Variants in NID1 observed in about 807,000 individuals in gnomAD.
NID1 encodes the protein nidogen-1.
A neutral mutation model predicts 130.6 loss-of-function variants in NID1; 76 were observed. That is an observed-to-expected ratio of 0.58 (90% CI 0.48 to 0.70). NID1 has a LOEUF of 0.70. NID1 is among the 30% of genes least tolerant of loss of function. The probability of loss-of-function intolerance (pLI) is 0.00; values close to 1 mark genes in which losing one functional copy is unlikely to be tolerated. For synonymous variants in NID1, 665 were observed against 675.1 expected (o/e 0.98, Z 0.23); for missense variants, 1,517 against 1,664.8 (o/e 0.91, Z 1.54).
chr1:235,980,400 A>G (rs1209501556), intron 17 of NID1, 96 bp downstream of exon 17: 2 of 1,261,300 alleles, frequency 1.6e-6, no homozygotes, highest in Admixed American at 2.3e-5. Context: ...ATATAAAAAC[A>G]GGTGGCTGGT....
chr1:236,036,770 G>A (rs1470688567), intron 5 of NID1, among the ~76,000 whole-genome samples: 1 of 152,118 alleles, frequency 6.6e-6, no homozygotes, highest in Admixed American at 6.5e-5. Flanking sequence ...AGAGAGACCC[G>A]ACCCAGGATG....
intron 9 of NID1, among the ~76,000 whole-genome samples, chr1:236,020,731 T>G (rs1658736853): frequency 6.6e-6 from 1 of 152,202 alleles, no homozygotes; most frequent in Non-Finnish European, 1.5e-5. Flanking sequence ...TTTCCTATTT[T>G]AAGCCTCATG....
chr1:235,993,339 T>C (rs145831325), intron 13 of NID1, among the ~76,000 whole-genome samples: 65 of 152,294 alleles, frequency 4.3e-4, no homozygotes, highest in Admixed American at 1.0e-3. Context: ...ACACAGCCGC[T>C]CTGCTACCAT....
intron 15 of NID1, among the ~76,000 whole-genome samples, chr1:235,982,998 C>A (rs982531822): frequency 6.6e-6 from 1 of 152,142 alleles, no homozygotes; most frequent in African/African-American, 2.4e-5. Context: ...CCTCAGCCTC[C>A]CGAGTAGCTG....
Position 235,979,842 on chromosome 1 carries a change from C to T in NID1, c.3489G>A (p.Leu1163=), listed in dbSNP as rs1257566565. The T allele has an allele frequency of 6.2e-7, 1 of 1,614,034 alleles. No homozygotes were observed. ...CGTACATCTTCCAGTCTGTGAAATACAGATTCTTCCCGTAGCTCGTCACAG... is the reference window on the plus strand; with the variant it reads ...CGTACATCTTCCAGTCTGTGAAATATAGATTCTTCCCGTAGCTCGTCACAG... ...PFAVTSYGKN[L]YFTDWKMNSV... Residue 1163 remains leucine (L), a synonymous_variant, in exon 18 of 20, where the codon CTG becomes CTA. Transcript: ENST00000264187. The surrounding 1 kb of genome is among the most constrained non-coding windows in gnomAD (Gnocchi z 4.6).
At chr1:236,029,440 TCCCTCTCC>T in intron 7 of NID1, 102 bp downstream of exon 7, 4 of 1,035,570 alleles carry the variant, frequency 3.9e-6, no homozygotes, top group Admixed American at 2.1e-5. Flanking sequence ...CCGGTGTATT[TCCCTCTCC>T]AGATCCCAGA....
At chr1:235,995,056 A>G (rs893015422) in intron 12 of NID1, among the ~76,000 whole-genome samples, 1 of 152,030 alleles carries the variant, frequency 6.6e-6, no homozygotes, top group Non-Finnish European at 1.5e-5. Context: ...AAACTGTACA[A>G]CTCAGATCTT....
At chr1:236,016,945 G>A (rs1020708499) in intron 10 of NID1, among the ~76,000 whole-genome samples, 1 of 152,268 alleles carries the variant, frequency 6.6e-6, no homozygotes, top group South Asian at 2.1e-4. Flanking sequence ...TACTAGTGTA[G>A]GCAATAATGT....
In NID1 at chr1:235,977,633, T is replaced by G; in HGVS notation, c.*234A>C. 1 of 488,900 alleles carries G rather than the reference T, an allele frequency of 2.0e-6. No individual in the cohort carries two copies. Among genetic ancestry groups the G allele is most frequent in the Non-Finnish European group, 3.7e-6 (1 of 269,880 alleles). 30.3% of individuals were successfully genotyped at this position (488,900 alleles called of 1,614,324 possible). A position where few individuals can be genotyped will look rare whatever the true frequency, so the allele number is the denominator to read the frequency against. Reference sequence around the variant, plus strand: ...AGGGGTGTATAAGTCTGTCTGAGGGTTGGGGGTAGGGGTGGAGGGTTCTGT... The same window carrying G: ...AGGGGTGTATAAGTCTGTCTGAGGGGTGGGGGTAGGGGTGGAGGGTTCTGT... On this transcript the variant is annotated 3_prime_UTR_variant, in exon 20 of 20. Coordinates refer to ENST00000264187, the MANE Select transcript of NID1 (RefSeq NM_002508.3).
intron 10 of NID1, among the ~76,000 whole-genome samples, chr1:236,016,864 G>A (rs546070555): frequency 3.9e-5 from 6 of 152,124 alleles, no homozygotes; most frequent in Non-Finnish European, 8.8e-5. Context: ...AAAGCATAAT[G>A]AAAATGATTA....
chr1:236,008,793 A>G (rs1220914009), intron 12 of NID1, among the ~76,000 whole-genome samples: 1 of 151,988 alleles, frequency 6.6e-6, no homozygotes, highest in African/African-American at 2.4e-5. Context: ...CAGGCTCCCA[A>G]GTAGCTGGGA....
chr1:236,042,416 G>C (rs1009156950), intron 3 of NID1, 124 bp from the exon 4 acceptor site: 2 of 1,229,796 alleles, frequency 1.6e-6, no homozygotes, highest in Non-Finnish European at 2.3e-6. Flanking sequence ...GCTAGGACTG[G>C]AGAGTGGAAG....
At chr1:236,039,926 C>A (rs1187726841) in intron 4 of NID1, among the ~76,000 whole-genome samples, 1 of 152,150 alleles carries the variant, frequency 6.6e-6, no homozygotes, top group Non-Finnish European at 1.5e-5. Flanking sequence ...ACCAGGAATG[C>A]ACTACTGGCC....
At chr1:236,042,855 G>A (rs1659494663) in intron 3 of NID1, among the ~76,000 whole-genome samples, 1 of 152,230 alleles carries the variant, frequency 6.6e-6, no homozygotes, top group Non-Finnish European at 1.5e-5. Flanking sequence ...CAGGATGGGG[G>A]CTGGTGGCCA....
In NID1 at chr1:235,977,770, G is replaced by T; in HGVS notation, c.*97C>A. On this transcript the variant is annotated 3_prime_UTR_variant, in exon 20 of 20. Transcript: ENST00000264187. Reference sequence around the variant, plus strand: ...GGCTGGGCTGGGTCTGGGCCTAGTGGCCACTCAGCCAGAGGACACTTTTCA... The same window carrying T: ...GGCTGGGCTGGGTCTGGGCCTAGTGTCCACTCAGCCAGAGGACACTTTTCA... The T allele has an allele frequency of 7.1e-7, 1 of 1,417,896 alleles. No individual in the cohort carries two copies. The highest frequency in any genetic ancestry group is 9.8e-7 in the Non-Finnish European group (1 of 1,025,138). The allele number at this position is 1,417,896 out of a possible 1,614,324, so 87.8% of individuals were successfully genotyped here.
At position 235,996,839 on chromosome 1, in the gene NID1, T is replaced by G. The variant is rs999380114; in HGVS notation, c.2528-2967A>C. ...GTCATCTTCCTGTCTCAGACTCCTG[T>G]GCTTTTTTTTCTGAGATGGAGTTTT... On this transcript the variant is annotated intron_variant, in intron 12 of 19. Transcript: ENST00000264187. Among the ~76,000 whole-genome samples the G allele has an allele frequency of 2.0e-5, 3 of 151,926 alleles. No individual in the cohort carries two copies. The South Asian group carries it at 6.2e-4, about 32-fold the overall frequency.
At chr1:236,033,188 G>T (rs907132479) in intron 5 of NID1, among the ~76,000 whole-genome samples, 1 of 152,272 alleles carries the variant, frequency 6.6e-6, no homozygotes. Flanking sequence ...GGTGCCTGTA[G>T]TCCCAGCTAC....
Position 236,048,870 on chromosome 1 carries a change from A to G in NID1, c.345T>C (p.Asp115=), listed in dbSNP as rs143986014. ...CTCGATAATAAACCTTCCCCAGGCC[A>G]TCGGTCGTGTCCAAGTCCGCCAGGA... The part of the protein sequence containing the change: ...APFLADLDTT[D]GLGKVYYRED... The change falls in exon 2 of 20, where the codon GAT becomes GAC. Residue 115 remains aspartate (D), a synonymous_variant. Transcript: ENST00000264187. The G allele has an allele frequency of 3.4e-4, 555 of 1,613,978 alleles. No homozygotes were observed. Among genetic ancestry groups the G allele is most frequent in the Non-Finnish European group, 4.4e-4 (523 of 1,180,014 alleles).
intron 11 of NID1, 38 bp from the exon 12 acceptor site, chr1:236,012,081 T>G: frequency 1.9e-6 from 3 of 1,594,062 alleles, no homozygotes; most frequent in Non-Finnish European, 2.6e-6. Flanking sequence ...CAATGAGATT[T>G]CTTCTGGAAT....
Sources: gnomAD v4.1 joint callset for allele counts (sites outside exome capture counted in the v4.1 genomes callset) on GRCh38, gnomAD v4.1.1 for gene constraint, Gnocchi (gnomAD v3.1) non-coding constraint, MANE v1.5 for transcripts, NCBI Gene and HGNC (gene_info 2026-07-23, HGNC 2026-07-21) for gene names.